EYS: variants seen among roughly 807,000 people sequenced by gnomAD.
EYS encodes the protein protein eyes shut homolog.
Under a neutral mutation model 282.1 loss-of-function variants are expected in EYS, and 250 were observed. The ratio of observed to expected loss-of-function variants is 0.89; its 90% CI spans 0.80 to 0.98. EYS has a LOEUF of 0.98. Among genes scored for constraint, EYS ranks in the 50% least tolerant of loss-of-function variants. The pLI, the probability that EYS is intolerant of heterozygous loss-of-function variation, is 0.00. For missense variants in EYS, 4,016 were observed against 3,709.0 expected (o/e 1.08, Z -2.15); for synonymous variants, 1,355 against 1,282.9 (o/e 1.06, Z -1.20).
At chr6:64,556,595 T>C (rs964342368) in intron 26 of EYS, among the ~76,000 whole-genome samples, 1 of 151,990 alleles carries the variant, frequency 6.6e-6, no homozygotes, top group Non-Finnish European at 1.5e-5. Context: ...ATTATATATA[T>C]ACAAGGGTTG....
At chr6:64,928,818 C>T (rs989972466) in intron 15 of EYS, among the ~76,000 whole-genome samples, 13 of 151,738 alleles carry the variant, frequency 8.6e-5, no homozygotes, top group South Asian at 2.1e-4. Flanking sequence ...TAACCTAATA[C>T]GGAATGATTT....
intron 36 of EYS, among the ~76,000 whole-genome samples, chr6:63,820,253 T>A (rs1484637280): frequency 6.6e-6 from 1 of 152,210 alleles, no homozygotes; most frequent in Non-Finnish European, 1.5e-5. Context: ...CTTTTACTTG[T>A]TGGCCAACTG....
intron 2 of EYS, among the ~76,000 whole-genome samples, chr6:65,508,314 G>A (rs1236915085): frequency 1.3e-5 from 2 of 152,034 alleles, no homozygotes; most frequent in Non-Finnish European, 2.9e-5. Flanking sequence ...ATGATCTATG[G>A]TCTATGATCC....
intron 2 of EYS, among the ~76,000 whole-genome samples, chr6:65,620,835 T>C (rs1766450299): frequency 6.6e-6 from 1 of 152,198 alleles, no homozygotes; most frequent in South Asian, 2.1e-4. Context: ...AGGATCAGGT[T>C]GTTCAGTTTC....
At chr6:64,530,201 AT>A (rs1167847840) in intron 26 of EYS, among the ~76,000 whole-genome samples, 1 of 152,080 alleles carries the variant, frequency 6.6e-6, no homozygotes, top group African/African-American at 2.4e-5. Context: ...GTAAACAATT[AT>A]TTTTTTAAAC....
chr6:63,980,745 T>C (rs551883284), intron 35 of EYS, among the ~76,000 whole-genome samples: 1 of 151,876 alleles, frequency 6.6e-6, no homozygotes, highest in African/African-American at 2.4e-5. Context: ...GAACTCTGCC[T>C]AGATGGGCTC....
chr6:64,855,056 A>G (rs1766010427), intron 19 of EYS, among the ~76,000 whole-genome samples: 1 of 151,994 alleles, frequency 6.6e-6, no homozygotes, highest in South Asian at 2.1e-4. Flanking sequence ...AGTTTTTATT[A>G]TAATGTTTTC....
chr6:65,249,485 A>T (rs1272655674), intron 12 of EYS, among the ~76,000 whole-genome samples: 1 of 152,006 alleles, frequency 6.6e-6, no homozygotes, highest in African/African-American at 2.4e-5. Context: ...TTAGAATTTT[A>T]TTGGAAAAAT....
chr6:65,053,842 TAA>T (rs1773342761), intron 13 of EYS, among the ~76,000 whole-genome samples: 1 of 151,934 alleles, frequency 6.6e-6, no homozygotes, highest in Non-Finnish European at 1.5e-5. Context: ...TCCAAACAAG[TAA>T]AGTTATCAAA....
intron 2 of EYS, among the ~76,000 whole-genome samples, chr6:65,589,419 A>G (rs1265620027): frequency 6.6e-6 from 1 of 151,950 alleles, no homozygotes; most frequent in Non-Finnish European, 1.5e-5. Context: ...TTCTATTTCA[A>G]TATCTATTTT....
chr6:63,757,015 AAAAG>A (rs1354283008), intron 41 of EYS, among the ~76,000 whole-genome samples: 2 of 152,156 alleles, frequency 1.3e-5, no homozygotes, highest in Non-Finnish European at 2.9e-5. Context: ...TGCACCTTGA[AAAAG>A]AACAGAATAA....
At chr6:65,608,505 C>T (rs1765882235) in intron 2 of EYS, among the ~76,000 whole-genome samples, 1 of 151,924 alleles carries the variant, frequency 6.6e-6, no homozygotes, top group Non-Finnish European at 1.5e-5. Flanking sequence ...ACTTTATAAA[C>T]ACTGTACACT....
At chr6:64,506,792 C>T (rs1465565534) in intron 26 of EYS, among the ~76,000 whole-genome samples, 2 of 150,982 alleles carry the variant, frequency 1.3e-5, no homozygotes, top group East Asian at 4.0e-4. Flanking sequence ...GGCTGTAGTC[C>T]CAGCTACTGG....
At chr6:65,674,438 A>G (rs10455585) in intron 1 of EYS, among the ~76,000 whole-genome samples, 105,171 of 129,010 alleles carry the variant, frequency 0.82, 43,093 homozygotes, top group East Asian at 0.85. Flanking sequence ...GTGACAGAGC[A>G]AGACTCCGTC....
At chr6:64,277,930 A>C (rs1768169817) in intron 30 of EYS, among the ~76,000 whole-genome samples, 3 of 152,164 alleles carry the variant, frequency 2.0e-5, no homozygotes, top group African/African-American at 7.2e-5. Context: ...AGTCTAGAGA[A>C]AGAGTATGAA....
chr6:65,315,061 T>A (rs1485763327), intron 11 of EYS, among the ~76,000 whole-genome samples: 1 of 152,066 alleles, frequency 6.6e-6, no homozygotes, highest in Non-Finnish European at 1.5e-5. Flanking sequence ...CATAATCATC[T>A]CTGACTTTTG....
intron 41 of EYS, among the ~76,000 whole-genome samples, chr6:63,757,927 G>A (rs1004261414): frequency 9.9e-5 from 15 of 152,098 alleles, no homozygotes; most frequent in African/African-American, 3.1e-4. Context: ...TAGATACAGG[G>A]TCTCATTCTG....
chr6:64,815,464 C>T (rs1432077551), intron 21 of EYS, among the ~76,000 whole-genome samples: 1 of 152,012 alleles, frequency 6.6e-6, no homozygotes, highest in Admixed American at 6.6e-5. Flanking sequence ...AAAGTTCTGT[C>T]TCCAGGGTTT....
intron 31 of EYS, among the ~76,000 whole-genome samples, chr6:64,175,995 G>C (rs1177760622): frequency 6.6e-6 from 1 of 152,148 alleles, no homozygotes; most frequent in Non-Finnish European, 1.5e-5. Context: ...GCAGGTAAGA[G>C]AGGATAAGGA....
Sources: gnomAD v4.1 joint callset for allele counts (sites outside exome capture counted in the v4.1 genomes callset) on GRCh38, gnomAD v4.1.1 for gene constraint, MANE v1.5 for transcripts, NCBI Gene and HGNC (gene_info 2026-07-23, HGNC 2026-07-21) for gene names.